The following TEX11 variants were observed in gnomAD, a reference collection of about 807,000 sequenced individuals.
TEX11 encodes the protein testis-expressed protein 11.
Under a neutral mutation model 84.4 loss-of-function variants are expected in TEX11, and 7 were observed. The ratio of observed to expected loss-of-function variants is 0.08; its 90% CI spans 0.05 to 0.16. The LOEUF (loss-of-function observed/expected upper bound fraction) is 0.16, where lower values mean the gene tolerates loss of function less well. TEX11 is among the 10% of genes least tolerant of loss of function. TEX11 has a pLI of 1.00. For synonymous variants in TEX11, 264 were observed against 222.8 expected (o/e 1.18, Z -1.64); for missense variants, 551 against 660.5 (o/e 0.83, Z 1.82).
chrX:70,610,444 G>T, intron 21 of TEX11, 59 bp downstream of exon 21: 1 of 1,062,727 alleles, frequency 9.4e-7, no homozygotes, highest in South Asian at 2.1e-5. Flanking sequence ...TGTACTTGGA[G>T]AATTCAACAG....
At chrX:70,681,691 G>C (rs2090149027) in intron 14 of TEX11, among the ~76,000 whole-genome samples, 1 of 110,789 alleles carries the variant, frequency 9.0e-6, no homozygotes, top group African/African-American at 3.3e-5. Flanking sequence ...CTATGGTCAG[G>C]CTATCTGTAT....
intron 9 of TEX11, among the ~76,000 whole-genome samples, chrX:70,754,771 AAGAG>A (rs754531451): frequency 2.0e-4 from 21 of 107,603 alleles, no homozygotes; most frequent in Non-Finnish European, 3.3e-4. Flanking sequence ...GAAAGAGAGA[AAGAG>A]AGAGAGAGAG....
chrX:70,681,894 C>T (rs1012124226), intron 14 of TEX11, among the ~76,000 whole-genome samples: 1 of 111,348 alleles, frequency 9.0e-6, no homozygotes, highest in African/African-American at 3.3e-5. Flanking sequence ...AAATTAATGA[C>T]TTTGTTTTTA....
rs749040244 is a variant in TEX11 at position 70,606,968 on chromosome X, A to G, written c.1941T>C (p.Leu647=). The change falls in exon 23 of 30, where the codon CTT becomes CTC. Residue 647 remains leucine (L), a synonymous_variant. Coordinates refer to ENST00000374333, the MANE Select transcript of TEX11 (RefSeq NM_031276.3). ...DPVMMREFFI[L]SYKMSQFCPS... ...ATTAAAAGAAACTTACCTTATAAGAAAGTATAAAAAACTCTCTCATCATCA... is the reference window on the plus strand; with the variant it reads ...ATTAAAAGAAACTTACCTTATAAGAGAGTATAAAAAACTCTCTCATCATCA... 1.8e-5 allele frequency: 21 copies of G among 1,187,990 alleles called. No individual in the cohort carries two copies. In the South Asian group the frequency reaches 3.0e-4, roughly 17 times the overall value.
At chrX:70,800,459 A>G (rs1337487995) in intron 9 of TEX11, among the ~76,000 whole-genome samples, 2 of 111,769 alleles carry the variant, frequency 1.8e-5, no homozygotes, top group African/African-American at 3.2e-5. Flanking sequence ...CTCCACTTCA[A>G]TGTTAGATAC....
intron 28 of TEX11, among the ~76,000 whole-genome samples, chrX:70,538,315 C>A (rs1215492811): frequency 9.1e-6 from 1 of 110,466 alleles, no homozygotes; most frequent in Non-Finnish European, 1.9e-5. Context: ...TTGTGTTTTA[C>A]GGAGATATAT....
intron 14 of TEX11, among the ~76,000 whole-genome samples, chrX:70,679,193 G>A (rs777029639): frequency 1.1e-3 from 128 of 112,773 alleles, no homozygotes; most frequent in Non-Finnish European, 1.8e-3. Context: ...CGCCAGCCTC[G>A]GCATCCTGAG....
intron 25 of TEX11, among the ~76,000 whole-genome samples, chrX:70,565,543 C>T (rs1017585914): frequency 2.7e-5 from 3 of 111,287 alleles, no homozygotes; most frequent in East Asian, 2.8e-4. Flanking sequence ...TTAGGTCTAA[C>T]GTTTAAGTCT....
chrX:70,892,460 C>A (rs957310307), intron 2 of TEX11, among the ~76,000 whole-genome samples: 5 of 111,921 alleles, frequency 4.5e-5, no homozygotes, highest in African/African-American at 1.6e-4. Flanking sequence ...ACTAGCCAGG[C>A]GCAGTGGCTC....
At chrX:70,608,178 G>C (rs948807894) in intron 22 of TEX11, among the ~76,000 whole-genome samples, 1 of 112,019 alleles carries the variant, frequency 8.9e-6, no homozygotes, top group Non-Finnish European at 1.9e-5. Flanking sequence ...ATATCCATGC[G>C]TCTGGCACCC....
At chrX:70,558,390 C>A in intron 25 of TEX11, among the ~76,000 whole-genome samples, 1 of 111,063 alleles carries the variant, frequency 9.0e-6, no homozygotes. Context: ...TGAAGTTAGA[C>A]CCTCACCTCA....
intron 8 of TEX11, among the ~76,000 whole-genome samples, chrX:70,831,182 A>G (rs2147831043): frequency 8.9e-6 from 1 of 112,199 alleles, no homozygotes; most frequent in South Asian, 3.7e-4. Context: ...CCTGGAGGAC[A>G]TTAAGCTAAG....
chrX:70,729,284 T>C (rs761282863), intron 11 of TEX11, among the ~76,000 whole-genome samples: 16 of 112,297 alleles, frequency 1.4e-4, no homozygotes, highest in East Asian at 5.6e-4. Flanking sequence ...CGCAGCTCCT[T>C]ACCAGCAACA....
chrX:70,725,732 T>C (rs1278553406), intron 11 of TEX11, among the ~76,000 whole-genome samples: 3 of 112,208 alleles, frequency 2.7e-5, no homozygotes, highest in African/African-American at 9.7e-5. Flanking sequence ...AGAAAATGTA[T>C]TGTCTTTTCC....
intron 9 of TEX11, among the ~76,000 whole-genome samples, chrX:70,779,529 T>A (rs2091024059): frequency 9.4e-6 from 1 of 106,949 alleles, no homozygotes; most frequent in African/African-American, 3.4e-5. Flanking sequence ...AAGCCCAAAG[T>A]TAACAGGCAG....
intron 10 of TEX11, among the ~76,000 whole-genome samples, chrX:70,741,164 C>T (rs2090731218): frequency 9.0e-6 from 1 of 111,501 alleles, no homozygotes; most frequent in Non-Finnish European, 1.9e-5. Flanking sequence ...TATCGTGGAA[C>T]AACTCTAAGA....
At chrX:70,592,504 C>T (rs998246985) in intron 24 of TEX11, among the ~76,000 whole-genome samples, 1 of 111,660 alleles carries the variant, frequency 9.0e-6, no homozygotes, top group Non-Finnish European at 1.9e-5. Flanking sequence ...TCTACCCAGC[C>T]TCTATTTGTA....
intron 25 of TEX11, among the ~76,000 whole-genome samples, chrX:70,579,552 A>G (rs1452121364): frequency 9.0e-6 from 1 of 110,755 alleles, no homozygotes; most frequent in Non-Finnish European, 1.9e-5. Flanking sequence ...GAAACTGAAG[A>G]GACAATCCAC....
intron 2 of TEX11, among the ~76,000 whole-genome samples, chrX:70,900,378 C>CAAA (rs372377002): frequency 5.9e-5 from 4 of 68,141 alleles, no homozygotes; most frequent in African/African-American, 1.4e-4. Context: ...GACTCTATCT[C>CAAA]AAAAAAAAAA....
Sources: allele counts gnomAD v4.1 joint callset (sites outside exome capture counted in the v4.1 genomes callset), GRCh38; gene constraint gnomAD v4.1.1; transcripts MANE v1.5; gene names NCBI Gene and HGNC (gene_info 2026-07-23, HGNC 2026-07-21).